IFT80: variants seen among roughly 807,000 people sequenced by gnomAD.
The protein encoded by IFT80 is intraflagellar transport protein 80 homolog.
Under a neutral mutation model 107.9 loss-of-function variants are expected in IFT80, and 79 were observed. The ratio of observed to expected loss-of-function variants is 0.73; its 90% CI spans 0.61 to 0.88. The LOEUF (loss-of-function observed/expected upper bound fraction) is 0.88, where lower values mean the gene tolerates loss of function less well. Among genes scored for constraint, IFT80 ranks in the 40% least tolerant of loss-of-function variants. The probability of loss-of-function intolerance (pLI) is 0.00; values close to 1 mark genes in which losing one functional copy is unlikely to be tolerated. For missense variants in IFT80, 797 were observed against 914.2 expected, an observed-to-expected ratio of 0.87 and a Z score of 1.65; for synonymous variants, 299 against 300.9, an observed-to-expected ratio of 0.99 and a Z score of 0.07.
intron 1 of IFT80, among the ~76,000 whole-genome samples, chr3:160,392,985 C>T (rs1490970599): frequency 6.6e-6 from 1 of 152,200 alleles, no homozygotes; most frequent in South Asian, 2.1e-4. Context: ...AGCAGGAGGA[C>T]TGCTTGAGCA....
intron 9 of IFT80, among the ~76,000 whole-genome samples, chr3:160,308,633 C>A (rs1026430906): frequency 6.6e-6 from 1 of 151,910 alleles, no homozygotes; most frequent in South Asian, 2.1e-4. Context: ...AAAATGTTAC[C>A]ATTTTTCTAA....
intron 13 of IFT80, among the ~76,000 whole-genome samples, chr3:160,285,149 G>A (rs1714992327): frequency 6.6e-6 from 1 of 151,662 alleles, no homozygotes; most frequent in South Asian, 2.1e-4. Flanking sequence ...GACCAGCCTG[G>A]GCAACATGGC....
rs1303813849 is a variant in IFT80 at position 160,397,743 on chromosome 3, C to T, written c.-47+1403G>A. Among the ~76,000 whole-genome samples the T allele has an allele frequency of 7.8e-5, 8 of 102,432 alleles. No individual in the cohort carries two copies. The Admixed American group carries it at 9.2e-4, about 12-fold the overall frequency. 67.2% of individuals were successfully genotyped at this position (102,432 alleles called of 152,430 possible). On this transcript the variant is annotated intron_variant, in intron 1 of 19. Coordinates refer to ENST00000326448, the MANE Select transcript of IFT80 (RefSeq NM_020800.3). ...TTTTTTTTTTTTTTTTTTTTTGAGACGCAGTTTCGCTCTTGTTGCCCAGGC... is the reference window on the plus strand; with the variant it reads ...TTTTTTTTTTTTTTTTTTTTTGAGATGCAGTTTCGCTCTTGTTGCCCAGGC...
Position 160,381,364 on chromosome 3 carries a change from T to C in IFT80, c.259+139A>G, listed in dbSNP as rs140136281. The stretch of plus-strand genomic sequence containing the variant: ...AGCCCATACACAAACCAAGTGACTA[T>C]TCAGAAAAGAAATACAATATGTGGA... On this transcript the variant is annotated intron_variant, in intron 3 of 19. Transcript: ENST00000326448. The C allele has an allele frequency of 2.4e-3, 1,685 of 710,556 alleles. 21 individuals are homozygous for C. The African/African-American group carries it at 0.026, about 11-fold the overall frequency. The allele number at this position is 710,556 out of a possible 1,614,324, so 44.0% of individuals were successfully genotyped here.
At chr3:160,356,993 G>T (rs1332089845) in intron 7 of IFT80, among the ~76,000 whole-genome samples, 1 of 152,114 alleles carries the variant, frequency 6.6e-6, no homozygotes, top group Admixed American at 6.5e-5. Flanking sequence ...AACCAGCAGG[G>T]TTAATTTTTA....
chr3:160,355,510 G>A (rs890214951), intron 8 of IFT80, among the ~76,000 whole-genome samples: 6 of 152,104 alleles, frequency 3.9e-5, no homozygotes, highest in East Asian at 1.9e-4. Context: ...CTTGGACTCC[G>A]GAAGTGCTGG....
At chr3:160,361,688 A>G (rs1721504502) in intron 6 of IFT80, among the ~76,000 whole-genome samples, 1 of 152,264 alleles carries the variant, frequency 6.6e-6, no homozygotes, top group Admixed American at 6.5e-5. Flanking sequence ...CTCAGACCAC[A>G]GTGCAATCAA....
At chr3:160,337,133 C>T (rs761658803) in intron 8 of IFT80, among the ~76,000 whole-genome samples, 3 of 152,106 alleles carry the variant, frequency 2.0e-5, no homozygotes, top group Non-Finnish European at 4.4e-5. Flanking sequence ...ACATACTATG[C>T]TGTATCTTTC....
At chr3:160,375,775 A>G in intron 5 of IFT80, 37 bp downstream of exon 5, 1 of 1,437,822 alleles carries the variant, frequency 7.0e-7, no homozygotes, top group Non-Finnish European at 9.8e-7. Flanking sequence ...TGTATTGTAT[A>G]ATTTGCAAAA....
intron 1 of IFT80, among the ~76,000 whole-genome samples, chr3:160,397,213 TTAC>T (rs754345857): frequency 2.8e-4 from 42 of 152,296 alleles, no homozygotes; most frequent in Non-Finnish European, 5.6e-4. Context: ...CACTTCTCAC[TTAC>T]TGTTATATAG....
intron 8 of IFT80, among the ~76,000 whole-genome samples, chr3:160,329,241 T>C (rs1718906666): frequency 6.6e-6 from 1 of 152,182 alleles, no homozygotes; most frequent in South Asian, 2.1e-4. Context: ...ATTTATCATG[T>C]GTGCTTTTAA....
intron 12 of IFT80, among the ~76,000 whole-genome samples, chr3:160,292,070 A>G (rs921995196): frequency 6.6e-6 from 1 of 152,216 alleles, no homozygotes. Flanking sequence ...AAGGCCCTAC[A>G]CATAGCTGGA....
chr3:160,309,379 G>A (rs1411144850), intron 9 of IFT80, among the ~76,000 whole-genome samples: 1 of 152,134 alleles, frequency 6.6e-6, no homozygotes, highest in African/African-American at 2.4e-5. Context: ...ATCTATAGAT[G>A]TCCATGAGAT....
intron 16 of IFT80, among the ~76,000 whole-genome samples, chr3:160,278,622 G>T (rs550640799): frequency 3.2e-4 from 49 of 152,006 alleles, no homozygotes; most frequent in African/African-American, 1.1e-3. Context: ...GGTGTGAGAT[G>T]ACAAACTCCG....
chr3:160,353,082 C>A (rs1046687413), intron 8 of IFT80, among the ~76,000 whole-genome samples: 8 of 152,148 alleles, frequency 5.3e-5, no homozygotes, highest in African/African-American at 9.7e-5. Flanking sequence ...ACTATTGTGG[C>A]CATACTAAAT....
chr3:160,374,682 G>T (rs1711853979), intron 5 of IFT80, among the ~76,000 whole-genome samples: 1 of 152,194 alleles, frequency 6.6e-6, no homozygotes, highest in African/African-American at 2.4e-5. Flanking sequence ...CACAAAGTGA[G>T]AATGTCAAAT....
intron 8 of IFT80, among the ~76,000 whole-genome samples, chr3:160,337,618 T>C (rs1260869265): frequency 6.6e-6 from 1 of 151,890 alleles, no homozygotes; most frequent in African/African-American, 2.4e-5. Flanking sequence ...GGTGAGACTC[T>C]GTCTCCAAAA....
intron 8 of IFT80, among the ~76,000 whole-genome samples, chr3:160,331,578 T>C (rs936996210): frequency 2.0e-5 from 3 of 152,212 alleles, no homozygotes; most frequent in Non-Finnish European, 2.9e-5. Flanking sequence ...TTTTTCCAGT[T>C]TGTTTCAATC....
At chr3:160,292,038 A>G (rs1715598747) in intron 12 of IFT80, among the ~76,000 whole-genome samples, 1 of 152,220 alleles carries the variant, frequency 6.6e-6, no homozygotes, top group Non-Finnish European at 1.5e-5. Flanking sequence ...GCAGATGGCT[A>G]TAGGGCAGAT....
Sources: gnomAD v4.1 joint callset for allele counts (sites outside exome capture counted in the v4.1 genomes callset) on GRCh38, gnomAD v4.1.1 for gene constraint, MANE v1.5 for transcripts, NCBI Gene and HGNC (gene_info 2026-07-23, HGNC 2026-07-21) for gene names.